MIPOL1: variants seen among roughly 807,000 people sequenced by gnomAD.
The protein encoded by MIPOL1 is mirror-image polydactyly gene 1 protein.
In MIPOL1, 57 loss-of-function variants were observed where a neutral mutation model predicts 60.9. The ratio of observed to expected loss-of-function variants is 0.94; its 90% CI spans 0.76 to 1.17. MIPOL1 has a LOEUF of 1.17. Among genes scored for constraint, MIPOL1 ranks in the 50% most tolerant of loss-of-function variants. The pLI, the probability that MIPOL1 is intolerant of heterozygous loss-of-function variation, is 0.00. For synonymous variants in MIPOL1, 179 were observed against 168.8 expected (o/e 1.06, Z -0.47); for missense variants, 551 against 511.6 (o/e 1.08, Z -0.74).
chr14:37,459,962 G>A (rs942121407), intron 11 of MIPOL1, among the ~76,000 whole-genome samples: 6 of 151,908 alleles, frequency 3.9e-5, no homozygotes, highest in African/African-American at 1.2e-4. Flanking sequence ...GCCTGTAACC[G>A]CAGCTACTCA....
At chr14:37,343,792 T>C (rs1292946231) in intron 9 of MIPOL1, among the ~76,000 whole-genome samples, 1 of 152,180 alleles carries the variant, frequency 6.6e-6, no homozygotes, top group Non-Finnish European at 1.5e-5. Context: ...ATATAGTAAA[T>C]ATTGGCTAAA....
At chr14:37,478,811 A>G (rs2094817468) in intron 11 of MIPOL1, among the ~76,000 whole-genome samples, 1 of 152,146 alleles carries the variant, frequency 6.6e-6, no homozygotes, top group Non-Finnish European at 1.5e-5. Context: ...GGAAATTATA[A>G]TAATGATAGA....
chr14:37,396,070 G>GTT (rs553337707), intron 10 of MIPOL1, among the ~76,000 whole-genome samples: 1 of 147,014 alleles, frequency 6.8e-6, no homozygotes, highest in East Asian at 2.0e-4. Flanking sequence ...TGTGTACCTT[G>GTT]TTTTTTTTTT....
intron 9 of MIPOL1, among the ~76,000 whole-genome samples, chr14:37,322,440 A>G (rs544159428): frequency 7.0e-4 from 107 of 152,102 alleles, no homozygotes; most frequent in African/African-American, 1.2e-3. Flanking sequence ...TGACATCACA[A>G]TATATCTAAG....
intron 10 of MIPOL1, among the ~76,000 whole-genome samples, chr14:37,390,813 T>A (rs1677799252): frequency 6.6e-6 from 1 of 151,836 alleles, no homozygotes; most frequent in African/African-American, 2.4e-5. Context: ...ATAGGTATAA[T>A]TAGAGTCTCT....
At chr14:37,420,123 A>T (rs1445773372) in intron 10 of MIPOL1, among the ~76,000 whole-genome samples, 1 of 151,996 alleles carries the variant, frequency 6.6e-6, no homozygotes, top group Non-Finnish European at 1.5e-5. Flanking sequence ...GGTGTGTATA[A>T]CAGTGTGTAT....
chr14:37,455,629 C>T (rs557674190), intron 11 of MIPOL1, among the ~76,000 whole-genome samples: 15 of 152,158 alleles, frequency 9.9e-5, no homozygotes, highest in Non-Finnish European at 2.2e-4. Flanking sequence ...AAATAACTTA[C>T]TGCCACTCTC....
intron 9 of MIPOL1, among the ~76,000 whole-genome samples, chr14:37,353,497 G>A (rs1035427840): frequency 2.0e-5 from 3 of 152,048 alleles, no homozygotes; most frequent in African/African-American, 4.8e-5. Flanking sequence ...GTTCCTCATT[G>A]TACCTCTGGT....
At chr14:37,338,439 C>T (rs569492212) in intron 9 of MIPOL1, among the ~76,000 whole-genome samples, 28 of 151,932 alleles carry the variant, frequency 1.8e-4, no homozygotes, top group African/African-American at 2.9e-4. Flanking sequence ...GACAGAATCT[C>T]GCACTGTCAT....
intron 10 of MIPOL1, among the ~76,000 whole-genome samples, chr14:37,370,523 A>G (rs184192183): frequency 4.7e-4 from 71 of 152,332 alleles, no homozygotes; most frequent in Middle Eastern, 6.8e-3. Flanking sequence ...ACAGAGCAAT[A>G]TCATGGCATT....
intron 11 of MIPOL1, among the ~76,000 whole-genome samples, chr14:37,426,564 A>AATATACATATACATATATAC (rs1333339162): frequency 4.8e-5 from 1 of 20,626 alleles, no homozygotes; most frequent in African/African-American, 1.7e-4. Context: ...TCTGTCTCAA[A>AATATACATATACATATATAC]ATATACATAT....
intron 12 of MIPOL1, chr14:37,505,734 A>G (rs571386695): frequency 6.6e-6 from 1 of 152,102 alleles, no homozygotes; most frequent in South Asian, 2.1e-4. Context: ...CCTATTCAAC[A>G]TAGTATTGGA....
intron 12 of MIPOL1, among the ~76,000 whole-genome samples, chr14:37,538,433 C>T (rs1594925693): frequency 6.6e-6 from 1 of 152,000 alleles, no homozygotes; most frequent in African/African-American, 2.4e-5. Flanking sequence ...AAGTTAAAAA[C>T]ATAAAGAGTA....
intron 9 of MIPOL1, among the ~76,000 whole-genome samples, chr14:37,361,205 T>C (rs1008772580): frequency 5.3e-5 from 8 of 152,222 alleles, no homozygotes; most frequent in Admixed American, 3.9e-4. Context: ...ATTTCTGTTC[T>C]TTTACATATG....
intron 10 of MIPOL1, among the ~76,000 whole-genome samples, chr14:37,383,295 G>T (rs892710125): frequency 1.3e-5 from 2 of 151,606 alleles, no homozygotes; most frequent in Non-Finnish European, 3.0e-5. Flanking sequence ...TGCTATTTTA[G>T]GTTTAAGTCC....
Position 37,477,158 on chromosome 14 carries a change from C to T in MIPOL1, c.1032-22750C>T, listed in dbSNP as rs538123595. ...CAGGTTATCCACCCACCTTGGCCTC[C>T]CAAAGTGCTAGGATTACAGGCGTGA... On this transcript the variant is annotated intron_variant, in intron 11 of 12. Coordinates refer to ENST00000684589, the MANE Select transcript of MIPOL1 (RefSeq NM_001388067.1). Among the ~76,000 whole-genome samples, 108 of 152,060 alleles carry T rather than the reference C, an allele frequency of 7.1e-4. 3 individuals are homozygous for T. In the South Asian group the frequency reaches 0.022, roughly 30 times the overall value.
intron 11 of MIPOL1, among the ~76,000 whole-genome samples, chr14:37,433,482 G>T (rs2094110682): frequency 6.6e-6 from 1 of 152,000 alleles, no homozygotes; most frequent in Admixed American, 6.6e-5. Flanking sequence ...TTGGTTTTCT[G>T]TTCCTGTGTT....
At chr14:37,503,089 A>G (rs950677726) in intron 12 of MIPOL1, 1 of 152,204 alleles carries the variant, frequency 6.6e-6, no homozygotes, top group African/African-American at 2.4e-5. Context: ...AAAAGAAACA[A>G]ACAAAGCCTC....
chr14:37,387,626 A>G (rs1052158323), intron 10 of MIPOL1, among the ~76,000 whole-genome samples: 2 of 151,888 alleles, frequency 1.3e-5, no homozygotes, highest in Non-Finnish European at 2.9e-5. Flanking sequence ...AGCCTAATTT[A>G]CATATATTCA....
Sources: allele counts gnomAD v4.1 joint callset (sites outside exome capture counted in the v4.1 genomes callset), GRCh38; gene constraint gnomAD v4.1.1; transcripts MANE v1.5; gene names NCBI Gene and HGNC (gene_info 2026-07-23, HGNC 2026-07-21).